PCDHGB1: variants seen among roughly 807,000 people sequenced by gnomAD.
PCDHGB1 encodes the protein protocadherin gamma subfamily B, 1.
In PCDHGB1, 34 loss-of-function variants were observed where a neutral mutation model predicts 56.6. The ratio of observed to expected loss-of-function variants is 0.60; its 90% CI spans 0.46 to 0.80. PCDHGB1 has a LOEUF of 0.80. Ranked by LOEUF, PCDHGB1 falls within the 30% of genes least tolerant of loss-of-function variation. The pLI is 0.00. For missense variants in PCDHGB1, 1,278 were observed against 1,204.6 expected (o/e 1.06, Z -0.90); for synonymous variants, 561 against 505.9 (o/e 1.11, Z -1.46).
rs2099745754 is a variant in PCDHGB1 at position 141,493,023 on chromosome 5, T to A, written c.2410-1784T>A. Among the ~76,000 whole-genome samples the A allele has an allele frequency of 6.6e-6, 1 of 152,190 alleles. No individual in the cohort carries two copies. The highest frequency in any genetic ancestry group is 2.4e-5 in the African/African-American group (1 of 41,450). On this transcript the variant is annotated intron_variant, in intron 1 of 3. Coordinates refer to ENST00000523390, the MANE Select transcript of PCDHGB1 (RefSeq NM_018922.3). The surrounding 1 kb of genome is among the most constrained non-coding windows in gnomAD (Gnocchi z 4.3). ...CTATAGGCTCTGCCAGATGCCAGGGTGCCCTTATGTGTGAGGAAACTACAA... is the reference window on the plus strand; with the variant it reads ...CTATAGGCTCTGCCAGATGCCAGGGAGCCCTTATGTGTGAGGAAACTACAA...
At chr5:141,453,909 T>C (rs1484310834) in intron 1 of PCDHGB1, among the ~76,000 whole-genome samples, 1 of 152,236 alleles carries the variant, frequency 6.6e-6, no homozygotes, top group Non-Finnish European at 1.5e-5. Flanking sequence ...TTTCAAAGTA[T>C]GTCAGTGATC....
Position 141,491,067 on chromosome 5 carries a change from G to A in PCDHGB1, c.2410-3740G>A, listed in dbSNP as rs752758445. On this transcript the variant is annotated intron_variant, in intron 1 of 3. Coordinates refer to ENST00000523390, the MANE Select transcript of PCDHGB1 (RefSeq NM_018922.3). This position sits in a 1 kb window ranked among gnomAD's most constrained non-coding sequence, Gnocchi z 6.9. ...ACAATGCGTGGCTCTCCTACTCACT[G>A]TTGCCACAGTCCACAGCCCCAGGAC... is the stretch of plus-strand genomic sequence containing the variant. 6.2e-7 allele frequency: 1 copy of A among 1,614,200 alleles called. No individual in the cohort carries two copies. Among genetic ancestry groups the A allele is most frequent in the East Asian group, 2.2e-5 (1 of 44,892 alleles).
intron 1 of PCDHGB1, chr5:141,394,791 C>G (rs919264078): frequency 6.2e-7 from 1 of 1,613,736 alleles, no homozygotes. Flanking sequence ...CACTGTCACG[C>G]TCACCGTAGC....
At chr5:141,397,543 G>A (rs547149193) in intron 1 of PCDHGB1, among the ~76,000 whole-genome samples, 17 of 152,282 alleles carry the variant, frequency 1.1e-4, no homozygotes, top group African/African-American at 3.8e-4. Flanking sequence ...TTTGAAATCA[G>A]TATAGTATGA....
intron 1 of PCDHGB1, among the ~76,000 whole-genome samples, chr5:141,447,450 C>G (rs540357899): frequency 1.3e-5 from 2 of 152,082 alleles, no homozygotes; most frequent in African/African-American, 2.4e-5. Context: ...AATTTTTAAC[C>G]TCAGTTTTTC....
chr5:141,401,890 C>T (rs2094204069), intron 1 of PCDHGB1, among the ~76,000 whole-genome samples: 1 of 152,084 alleles, frequency 6.6e-6, no homozygotes, highest in Non-Finnish European at 1.5e-5. Context: ...ATTTTGTGTT[C>T]TTTTTCCCAA....
At chr5:141,356,290 A>C in intron 1 of PCDHGB1, 1 of 1,555,814 alleles carries the variant, frequency 6.4e-7, no homozygotes, top group Non-Finnish European at 8.7e-7. Context: ...TTCCCCGGGT[A>C]CAGTAATTGC....
chr5:141,372,027 A>G (rs764132695), intron 1 of PCDHGB1: 3 of 1,613,296 alleles, frequency 1.9e-6, no homozygotes, highest in Non-Finnish European at 2.5e-6. Flanking sequence ...GCTCAGCGCC[A>G]ACGTGAGCCT....
chr5:141,389,887 A>T (rs1473090410), intron 1 of PCDHGB1: 2 of 1,613,940 alleles, frequency 1.2e-6, no homozygotes, highest in South Asian at 1.1e-5. Flanking sequence ...AGCTTGCAGG[A>T]GGTGCTGCCG....
intron 1 of PCDHGB1, chr5:141,422,162 A>T: frequency 6.4e-7 from 1 of 1,571,230 alleles, no homozygotes; most frequent in Non-Finnish European, 8.6e-7. Context: ...GATTTTGAAA[A>T]ATATAGATTC....
chr5:141,393,794 T>C, intron 1 of PCDHGB1: 1 of 1,613,934 alleles, frequency 6.2e-7, no homozygotes, highest in South Asian at 1.1e-5. Flanking sequence ...TGGGGGCACT[T>C]CTGGGGAGGA....
At chr5:141,362,021 C>G in intron 1 of PCDHGB1, 1 of 1,607,220 alleles carries the variant, frequency 6.2e-7, no homozygotes, top group Non-Finnish European at 8.5e-7. Flanking sequence ...GTGCGCACAG[C>G]GCGTGCCTTG....
rs2099883627 is a variant in PCDHGB1, at chr5:141,511,136, G to A, written c.2747G>A (p.Gly916Asp). 4.3e-6 allele frequency: 7 copies of A among 1,614,194 alleles called. No homozygotes were observed. The East Asian group carries it at 1.6e-4, about 36-fold the overall frequency. The change falls in exon 4 of 4, where the codon GGC (glycine) becomes GAC (aspartate). Residue 916 changes from glycine (G) to aspartate (D), a missense_variant. Physicochemically the swap from Gly to Asp is moderately conservative, Grantham distance 94. Coordinates refer to ENST00000523390, the MANE Select transcript of PCDHGB1 (RefSeq NM_018922.3). ...GGCAAGGCCCCAGCAGGTGGCAATG[G>A]CAACAAGAAGAAGTCGGGCAAGAAG... Reference protein sequence around the residue: ...RDGKAPAGGNGNKKKSGKKEK... With the variant: ...RDGKAPAGGNDNKKKSGKKEK...
At chr5:141,414,230 C>T in intron 1 of PCDHGB1, 5 of 1,613,308 alleles carry the variant, frequency 3.1e-6, no homozygotes, top group Non-Finnish European at 4.2e-6. Flanking sequence ...CCAGAGCTGA[C>T]CATCACGTCT....
At chr5:141,398,896 C>T (rs776008122) in intron 1 of PCDHGB1, 5 of 1,613,946 alleles carry the variant, frequency 3.1e-6, no homozygotes, top group Non-Finnish European at 3.4e-6. Context: ...AAACGTGCCA[C>T]CAGGCACCAC....
At chr5:141,410,161 ACT>A (rs758781174) in intron 1 of PCDHGB1, 27 of 1,613,102 alleles carry the variant, frequency 1.7e-5, no homozygotes, top group South Asian at 1.1e-5. Flanking sequence ...GACAGCCGCC[ACT>A]CTCTGCCACC....
intron 1 of PCDHGB1, chr5:141,357,224 TG>T: frequency 6.2e-7 from 1 of 1,613,828 alleles, no homozygotes; most frequent in African/African-American, 1.3e-5. Context: ...CTGGCTGACT[TG>T]GGCAGCCTCA....
At chr5:141,379,328 C>T (rs1775531814) in intron 1 of PCDHGB1, 1 of 152,184 alleles carries the variant, frequency 6.6e-6, no homozygotes, top group African/African-American at 2.4e-5. Flanking sequence ...TAATCATACA[C>T]ATCTTCAAAG....
chr5:141,510,435 C>T (rs938448523), intron 3 of PCDHGB1, among the ~76,000 whole-genome samples: 2 of 152,108 alleles, frequency 1.3e-5, no homozygotes, highest in Non-Finnish European at 2.9e-5. Context: ...ATGGCTGCTG[C>T]CCTCCAGGAG....
Sources: allele counts gnomAD v4.1 joint callset (sites outside exome capture counted in the v4.1 genomes callset), GRCh38; gene constraint gnomAD v4.1.1; non-coding constraint Gnocchi (gnomAD v3.1); transcripts MANE v1.5; gene names NCBI Gene and HGNC (gene_info 2026-07-23, HGNC 2026-07-21).